Variants in SLC24A2 observed in about 807,000 individuals in gnomAD.
The protein encoded by SLC24A2 is solute carrier family 24 member 2, also known as sodium/potassium/calcium exchanger 2.
A neutral mutation model predicts 62.0 loss-of-function variants in SLC24A2; 36 were observed. The ratio of observed to expected loss-of-function variants is 0.58; its 90% CI spans 0.44 to 0.77. The LOEUF is 0.77. Ranked by LOEUF, SLC24A2 falls within the 30% of genes least tolerant of loss-of-function variation. The pLI is 0.00. For missense variants in SLC24A2, 846 were observed against 817.9 expected, an observed-to-expected ratio of 1.03 and a Z score of -0.42; for synonymous variants, 358 against 294.0, an observed-to-expected ratio of 1.22 and a Z score of -2.23.
the SLC24A2 span, among the ~76,000 whole-genome samples, chr9:19,863,505 C>T: frequency 3.3e-5 from 5 of 151,932 alleles, no homozygotes; most frequent in African/African-American, 1.2e-4. Flanking sequence ...AAATTGAAAT[C>T]ATATCAAGCA....
At chr9:19,973,249 T>G in the SLC24A2 span, among the ~76,000 whole-genome samples, 1 of 152,250 alleles carries the variant, frequency 6.6e-6, no homozygotes, top group African/African-American at 2.4e-5. Context: ...TGCAATGCCA[T>G]GGCATTTATC....
At chr9:19,890,451 G>A in the SLC24A2 span, among the ~76,000 whole-genome samples, 62,071 of 151,808 alleles carry the variant, frequency 0.41, 13,241 homozygotes, top group East Asian at 0.82. Context: ...CCCTCATCCT[G>A]CTTGACTTCT....
At chr9:19,619,463 A>C in intron 4 of SLC24A2, 121 bp downstream of exon 4, 1 of 825,114 alleles carries the variant, frequency 1.2e-6, no homozygotes, top group Non-Finnish European at 2.2e-6. Flanking sequence ...TTCTGGCAGA[A>C]GCTAAACAAG....
At chr9:20,026,514 C>T in the SLC24A2 span, among the ~76,000 whole-genome samples, 47 of 152,222 alleles carry the variant, frequency 3.1e-4, no homozygotes, top group Non-Finnish European at 5.6e-4. Flanking sequence ...TACTCCATTG[C>T]GTGCCCCAGT....
At chr9:19,675,279 G>C (rs1299133103) in intron 2 of SLC24A2, among the ~76,000 whole-genome samples, 2 of 152,164 alleles carry the variant, frequency 1.3e-5, no homozygotes, top group Admixed American at 1.3e-4. Context: ...AATGGACTCT[G>C]TGAGGGTCCT....
chr9:19,849,490 G>A, the SLC24A2 span, among the ~76,000 whole-genome samples: 1 of 152,140 alleles, frequency 6.6e-6, no homozygotes, highest in South Asian at 2.1e-4. Context: ...ATTGGCTAAT[G>A]AAAAGACATT....
the SLC24A2 span, among the ~76,000 whole-genome samples, chr9:19,853,809 G>T: frequency 6.6e-6 from 1 of 152,188 alleles, no homozygotes; most frequent in East Asian, 1.9e-4. Flanking sequence ...TCAGGATGAT[G>T]CTGGTCTCAT....
intron 4 of SLC24A2, among the ~76,000 whole-genome samples, chr9:19,603,712 A>G (rs1418154728): frequency 6.6e-6 from 1 of 151,866 alleles, no homozygotes; most frequent in African/African-American, 2.4e-5. Context: ...CCACCTGTCT[A>G]CCCCCAGCAC....
intron 2 of SLC24A2, among the ~76,000 whole-genome samples, chr9:19,757,722 A>G (rs1329359220): frequency 6.6e-6 from 1 of 152,172 alleles, no homozygotes; most frequent in African/African-American, 2.4e-5. Context: ...ATTCACGTTG[A>G]AATTTGATCT....
the SLC24A2 span, among the ~76,000 whole-genome samples, chr9:19,998,758 C>T: frequency 1.3e-5 from 2 of 152,216 alleles, no homozygotes; most frequent in African/African-American, 4.8e-5. Flanking sequence ...GAAATAGAAA[C>T]TCACTCCTTC....
At chr9:19,873,842 C>T in the SLC24A2 span, among the ~76,000 whole-genome samples, 1 of 152,030 alleles carries the variant, frequency 6.6e-6, no homozygotes, top group Non-Finnish European at 1.5e-5. Flanking sequence ...TGCCGAATGC[C>T]CCAAATCACC....
chr9:19,913,221 C>T, the SLC24A2 span, among the ~76,000 whole-genome samples: 1 of 151,958 alleles, frequency 6.6e-6, no homozygotes, highest in Non-Finnish European at 1.5e-5. Context: ...AATATAGGCC[C>T]CATATTCTCA....
chr9:20,095,315 G>T, the SLC24A2 span, among the ~76,000 whole-genome samples: 2 of 152,178 alleles, frequency 1.3e-5, no homozygotes, highest in African/African-American at 4.8e-5. Context: ...ACCTGTGATG[G>T]TTAATTTTAT....
chr9:19,965,067 C>T, the SLC24A2 span, among the ~76,000 whole-genome samples: 1 of 151,382 alleles, frequency 6.6e-6, no homozygotes, highest in East Asian at 1.9e-4. Flanking sequence ...TCGTGTAAGC[C>T]AGTTCCCTGT....
the SLC24A2 span, among the ~76,000 whole-genome samples, chr9:20,119,747 C>T: frequency 6.6e-6 from 1 of 152,074 alleles, no homozygotes; most frequent in Non-Finnish European, 1.5e-5. Context: ...TACAGGAGTT[C>T]CCATACAGTG....
the SLC24A2 span, among the ~76,000 whole-genome samples, chr9:20,263,225 G>A: frequency 6.6e-6 from 1 of 152,190 alleles, no homozygotes; most frequent in Non-Finnish European, 1.5e-5. Flanking sequence ...CTGGATGGAG[G>A]AGACAGAGAG....
chr9:19,733,855 C>T (rs1821416249), intron 2 of SLC24A2, among the ~76,000 whole-genome samples: 1 of 152,038 alleles, frequency 6.6e-6, no homozygotes, highest in Non-Finnish European at 1.5e-5. Context: ...AACTCCCGTA[C>T]TTTTGAAGCT....
chr9:19,847,621 C>T, the SLC24A2 span, among the ~76,000 whole-genome samples: 1 of 152,104 alleles, frequency 6.6e-6, no homozygotes, highest in Non-Finnish European at 1.5e-5. Context: ...AGTAGATCTC[C>T]ACACCGGAGA....
rs58241037 is a variant in SLC24A2 at position 19,762,793 on chromosome 9, C to CTTTTTTTTTTTTTTTTTTTTTTT, written c.930+23143_930+23144insAAAAAAAAAAAAAAAAAAAAAAA. Among the ~76,000 whole-genome samples the CTTTTTTTTTTTTTTTTTTTTTTT allele has an allele frequency of 2.0e-5, 2 of 102,394 alleles. 1 individual carries two copies. The highest frequency in any genetic ancestry group is 4.0e-5 in the Non-Finnish European group (2 of 50,134). The allele number at this position is 102,394 out of a possible 152,430, so 67.2% of individuals were successfully genotyped here. A position where few individuals can be genotyped will look rare whatever the true frequency, so the allele number is the denominator to read the frequency against. On this transcript the variant is annotated intron_variant, in intron 2 of 10. Coordinates refer to ENST00000341998, the MANE Select transcript of SLC24A2 (RefSeq NM_020344.4). Reference sequence around the variant, plus strand: ...CTTAGGATTGTCTTGGCTATATGTGCTTTTTTTTTTTTTTTTTTGGTTCCA... The same window carrying CTTTTTTTTTTTTTTTTTTTTTTT: ...CTTAGGATTGTCTTGGCTATATGTGCTTTTTTTTTTTTTTTTTTTTTTTTTTTTTTTTTTTTTTTTTGGTTCCA...
Sources: allele counts gnomAD v4.1 joint callset (sites outside exome capture counted in the v4.1 genomes callset), GRCh38; gene constraint gnomAD v4.1.1; transcripts MANE v1.5; gene names NCBI Gene and HGNC (gene_info 2026-07-23, HGNC 2026-07-21).